The following GCSAM variants were observed in gnomAD, a reference collection of about 807,000 sequenced individuals.
GCSAM encodes the protein germinal center associated signaling and motility.
Under a neutral mutation model 17.6 loss-of-function variants are expected in GCSAM, and 8 were observed. That is an observed-to-expected ratio of 0.46 (90% CI 0.27 to 0.82). The LOEUF (loss-of-function observed/expected upper bound fraction) is 0.82, where lower values mean the gene tolerates loss of function less well. Among genes scored for constraint, GCSAM ranks in the 40% least tolerant of loss-of-function variants. GCSAM has a pLI of 0.15. For missense variants in GCSAM, 192 were observed against 213.5 expected (o/e 0.90, Z 0.63); for synonymous variants, 68 against 69.0 (o/e 0.98, Z 0.07).
At chr3:112,123,985 C>CCT (rs150721861) in intron 5 of GCSAM, among the ~76,000 whole-genome samples, 4,449 of 152,274 alleles carry the variant, frequency 0.029, 97 homozygotes, top group South Asian at 0.1. Context: ...TCAGGTGCAT[C>CCT]CTCTGCCCCT....
chr3:112,129,212 A>C (rs991305245), intron 2 of GCSAM: 2 of 152,242 alleles, frequency 1.3e-5, no homozygotes, highest in Non-Finnish European at 2.9e-5. Flanking sequence ...CCAAGTTAAC[A>C]AACCAGATTC....
chr3:112,128,074 A>G lies in GCSAM; in HGVS notation c.99-13T>C. 5.0e-6 allele frequency: 8 copies of G among 1,612,240 alleles called. No homozygotes were observed. Among genetic ancestry groups the G allele is most frequent in the South Asian group, 1.1e-5 (1 of 91,048 alleles). On this transcript the variant is annotated splice_polypyrimidine_tract_variant and intron_variant, in intron 2 of 5. Transcript: ENST00000308910. ...GTGATCCCAGCATCTAAAATACCCA[A>G]GAGAGATGGCAAATCATAAGGTTGA...
intron 5 of GCSAM, 111 bp downstream of exon 5, chr3:112,125,115 T>C: frequency 2.6e-6 from 2 of 757,214 alleles, no homozygotes; most frequent in Non-Finnish European, 2.4e-6. Flanking sequence ...ATCTAAAGTC[T>C]TTCTCCATGT....
chr3:112,130,650 T>G (rs78709683), intron 1 of GCSAM, 137 bp from the exon 2 acceptor site: 18,155 of 749,826 alleles, frequency 0.024, 292 homozygotes, highest in Middle Eastern at 0.029. Flanking sequence ...TCACACATGT[T>G]AATACTGTTT....
chr3:112,132,406 A>G (rs2074478522), intron 1 of GCSAM, among the ~76,000 whole-genome samples: 1 of 152,184 alleles, frequency 6.6e-6, no homozygotes, highest in Non-Finnish European at 1.5e-5. Flanking sequence ...TGGTGGCACT[A>G]TTTTGGTGGC....
At chr3:112,126,801 C>T (rs2074331393) in intron 4 of GCSAM, among the ~76,000 whole-genome samples, 186 bp downstream of exon 4, 1 of 152,194 alleles carries the variant, frequency 6.6e-6, no homozygotes, top group South Asian at 2.1e-4. Context: ...GATTAATGAG[C>T]CAATTCCTGC....
intron 4 of GCSAM, among the ~76,000 whole-genome samples, chr3:112,126,216 G>A (rs1388967690): frequency 6.6e-6 from 1 of 152,154 alleles, no homozygotes; most frequent in Admixed American, 6.5e-5. Context: ...GCTAGGGTGG[G>A]AGGCTGTATT....
Position 112,122,497 on chromosome 3 carries a change from CAT to C in GCSAM, c.*956_*957del, listed in dbSNP as rs2074219208. On this transcript the variant is annotated 3_prime_UTR_variant, in exon 6 of 6. Transcript: ENST00000308910. ...TAAGAGAAAGTAAATAATCAGGACA[CAT>C]AGAGGAGTGCTTATCAGAGAAGGTA... 6.6e-6 allele frequency: 1 copy of C among 152,130 alleles called. No homozygotes were observed. Among genetic ancestry groups the C allele is most frequent in the Non-Finnish European group, 1.5e-5 (1 of 68,030 alleles). The allele number at this position is 152,130 out of a possible 1,614,324, so 9.4% of individuals were successfully genotyped here.
rs1458009087 is a variant in GCSAM at position 112,133,098 on chromosome 3, T to C, written c.23A>G (p.Glu8Gly). 1 of 1,613,852 alleles carries C rather than the reference T, an allele frequency of 6.2e-7. No individual in the cohort carries two copies. Among genetic ancestry groups the C allele is most frequent in the Non-Finnish European group, 8.5e-7 (1 of 1,179,688 alleles). MGNSLLRENRRQQNTQEM... is the reference protein window; with the variant it reads MGNSLLRGNRRQQNTQEM... ...ACAGGGAGTCTAGACTTACCTGTTT[T>C]CTCTCAGCAGAGAATTTCCCATCCT... is the stretch of plus-strand genomic sequence containing the variant. The change falls in exon 1 of 6, where the codon GAA becomes GGA. Residue 8 changes from glutamate to glycine, a missense_variant. Coordinates refer to ENST00000308910, the MANE Select transcript of GCSAM (RefSeq NM_152785.5).
chr3:112,123,366 G>A lies in GCSAM; in HGVS notation c.*89C>T. On this transcript the variant is annotated 3_prime_UTR_variant, in exon 6 of 6. Coordinates refer to ENST00000308910, the MANE Select transcript of GCSAM (RefSeq NM_152785.5). ...GGTTGTTGTGGGAGATAAGCTGGAG[G>A]GACTTTGTGTCCCATCCCTGCTTCA... 1 of 1,546,264 alleles carries A rather than the reference G, an allele frequency of 6.5e-7. No homozygotes were observed. Among genetic ancestry groups the A allele is most frequent in the South Asian group, 1.3e-5 (1 of 78,256 alleles).
intron 5 of GCSAM, 75 bp from the exon 6 acceptor site, chr3:112,123,847 C>T (rs1363697051): frequency 6.8e-7 from 1 of 1,479,636 alleles, no homozygotes; most frequent in African/African-American, 1.4e-5. Context: ...TCAACACAGG[C>T]TTGACCCTTG....
Position 112,123,733 on chromosome 3 carries a change from T to C in GCSAM, c.259A>G (p.Thr87Ala). The stretch of plus-strand genomic sequence containing the variant: ...CAGAGAACCCGATGATTGATGAGGG[T>C]ATAGCACAGCTCCTCTGAGTAGGTC... ...DQTYSEELCY[T>A]LINHRVLCTR... The change falls in exon 6 of 6, where the codon ACC becomes GCC. Residue 87 changes from threonine to alanine, a missense_variant. Thr to Ala is a moderately conservative substitution (Grantham distance 58, BLOSUM62 0). Transcript: ENST00000308910. 1 of 1,614,026 alleles carries C rather than the reference T, an allele frequency of 6.2e-7. No individual in the cohort carries two copies.
chr3:112,124,227 A>G (rs528577834), intron 5 of GCSAM, among the ~76,000 whole-genome samples: 12 of 152,312 alleles, frequency 7.9e-5, no homozygotes, highest in Non-Finnish European at 1.5e-5. Context: ...CCAGCTTTGC[A>G]TATTCCTTTA....
Position 112,123,380 on chromosome 3 carries a change from A to G in GCSAM, c.*75T>C, listed in dbSNP as rs1470743620. The stretch of plus-strand genomic sequence containing the variant: ...ATAAGCTGGAGGGACTTTGTGTCCC[A>G]TCCCTGCTTCAGGCAGATCCCCCAT... On this transcript the variant is annotated 3_prime_UTR_variant, in exon 6 of 6. Transcript: ENST00000308910. 3.8e-6 allele frequency: 6 copies of G among 1,559,802 alleles called. No individual in the cohort carries two copies. The highest frequency in any genetic ancestry group is 2.5e-5 in the South Asian group (2 of 80,098).
intron 1 of GCSAM, chr3:112,132,632 C>T (rs868770325): frequency 1.0e-6 from 1 of 986,556 alleles, no homozygotes; most frequent in Non-Finnish European, 1.2e-6. Flanking sequence ...ATGACCTCTG[C>T]TTACCTGCTT....
At chr3:112,128,135 T>G (rs1305674261) in intron 2 of GCSAM, 74 bp from the exon 3 acceptor site, 2 of 1,413,386 alleles carry the variant, frequency 1.4e-6, no homozygotes, top group East Asian at 4.6e-5. Context: ...CCTTTCCTTT[T>G]GCCATTTCTG....
In GCSAM at chr3:112,133,239, G is replaced by C; in HGVS notation, c.-119C>G. 9.6e-7 allele frequency: 1 copy of C among 1,046,188 alleles called. No individual in the cohort carries two copies. Among genetic ancestry groups the C allele is most frequent in the Non-Finnish European group, 1.5e-6 (1 of 676,100 alleles). 64.8% of individuals were successfully genotyped at this position (1,046,188 alleles called of 1,614,324 possible). ...CTGTGTGGCTCTGGCCACCCGTGCA[G>C]AGACAGCAGAAAGGAGAAGGGTGTC... On this transcript the variant is annotated 5_prime_UTR_variant, in exon 1 of 6. Coordinates refer to ENST00000308910, the MANE Select transcript of GCSAM (RefSeq NM_152785.5).
chr3:112,129,052 AG>A (rs2074393648), intron 2 of GCSAM: 1 of 152,192 alleles, frequency 6.6e-6, no homozygotes, highest in Non-Finnish European at 1.5e-5. Context: ...ACAACCTCTA[AG>A]ATCTATGCAT....
rs1376532189 is a variant in GCSAM, at chr3:112,123,752, G to A, written c.240C>T (p.Tyr80=). 2.5e-6 allele frequency: 4 copies of A among 1,613,320 alleles called. No individual in the cohort carries two copies. In the Admixed American group the frequency reaches 6.7e-5, roughly 27 times the overall value. The change falls in exon 6 of 6, where the codon TAC becomes TAT. Residue 80 remains tyrosine (Y), a synonymous_variant. Transcript: ENST00000308910. ...TGAGGGTATAGCACAGCTCCTCTGA[G>A]TAGGTCTGGTCAACATTGTCCTGCT... ...TPIQDNVDQT[Y]SEELCYTLIN... is the part of the protein sequence containing the mutation.
Sources: gnomAD v4.1 joint callset for allele counts (sites outside exome capture counted in the v4.1 genomes callset) on GRCh38, gnomAD v4.1.1 for gene constraint, MANE v1.5 for transcripts, NCBI Gene and HGNC (gene_info 2026-07-23, HGNC 2026-07-21) for gene names.